DOCK3: variants seen among roughly 807,000 people sequenced by gnomAD.
DOCK3 encodes dedicator of cytokinesis protein 3.
Under a neutral mutation model 265.6 loss-of-function variants are expected in DOCK3, and 60 were observed. The observed-to-expected ratio is 0.23, with a 90% CI of 0.18 to 0.28. The LOEUF is 0.28. DOCK3 is among the 10% of genes least tolerant of loss of function. The pLI, the probability that DOCK3 is intolerant of heterozygous loss-of-function variation, is 1.00. For synonymous variants in DOCK3, 881 were observed against 938.0 expected, an observed-to-expected ratio of 0.94 and a Z score of 1.11; for missense variants, 1,981 against 2,594.3, an observed-to-expected ratio of 0.76 and a Z score of 5.14.
At chr3:50,716,967 A>G (rs1012251665) in intron 1 of DOCK3, among the ~76,000 whole-genome samples, 1 of 152,110 alleles carries the variant, frequency 6.6e-6, no homozygotes, top group Non-Finnish European at 1.5e-5. Context: ...GCATATTCTT[A>G]CATTTTGTTT....
chr3:50,795,158 T>C (rs941168463), intron 2 of DOCK3, among the ~76,000 whole-genome samples: 3 of 152,194 alleles, frequency 2.0e-5, no homozygotes, highest in Non-Finnish European at 4.4e-5. Context: ...TAGCTACCTT[T>C]AACATTTTTT....
At chr3:51,314,652 A>G (rs895490910) in intron 31 of DOCK3, among the ~76,000 whole-genome samples, 3 of 152,242 alleles carry the variant, frequency 2.0e-5, no homozygotes, top group African/African-American at 7.2e-5. Context: ...TCTGACACTC[A>G]TAGGTTACTC....
chr3:50,849,973 G>A (rs1436153896), intron 3 of DOCK3, among the ~76,000 whole-genome samples: 6 of 151,760 alleles, frequency 4.0e-5, no homozygotes, highest in Admixed American at 1.3e-4. Flanking sequence ...TCAGTCTACC[G>A]ATAAAGCTTT....
At chr3:50,970,889 T>A (rs1405021731) in intron 5 of DOCK3, among the ~76,000 whole-genome samples, 2 of 42,934 alleles carry the variant, frequency 4.7e-5, no homozygotes, top group Non-Finnish European at 4.1e-5. Flanking sequence ...CTCATCTAAT[T>A]TTTATATATA....
chr3:51,198,687 C>A (rs796533440), intron 12 of DOCK3, among the ~76,000 whole-genome samples: 2 of 151,380 alleles, frequency 1.3e-5, no homozygotes, highest in Non-Finnish European at 2.9e-5. Context: ...GCTCTTTATA[C>A]GAATTCAAAC....
intron 4 of DOCK3, among the ~76,000 whole-genome samples, chr3:50,917,255 A>T (rs1260820414): frequency 6.6e-6 from 1 of 152,118 alleles, no homozygotes. Flanking sequence ...GAGATTAACC[A>T]TTCTTTAAAG....
chr3:51,232,555 A>G (rs141729866), intron 19 of DOCK3, among the ~76,000 whole-genome samples: 3 of 152,180 alleles, frequency 2.0e-5, no homozygotes, highest in African/African-American at 7.2e-5. Flanking sequence ...TTGACTTTTC[A>G]ATTATGGCCA....
chr3:50,946,846 A>G (rs1239327456), intron 5 of DOCK3, among the ~76,000 whole-genome samples: 2 of 152,212 alleles, frequency 1.3e-5, no homozygotes, highest in African/African-American at 4.8e-5. Context: ...TCTTATTACC[A>G]GGATATGACA....
intron 12 of DOCK3, among the ~76,000 whole-genome samples, chr3:51,192,725 C>T (rs1175998523): frequency 1.3e-5 from 2 of 151,962 alleles, no homozygotes; most frequent in African/African-American, 4.8e-5. Context: ...TTGGCCAGAA[C>T]CAGGGGCAAA....
intron 5 of DOCK3, among the ~76,000 whole-genome samples, chr3:51,000,201 T>C (rs999291263): frequency 1.3e-5 from 2 of 152,238 alleles, no homozygotes; most frequent in African/African-American, 4.8e-5. Flanking sequence ...CCATAATCTT[T>C]TGCTCAGGCG....
intron 32 of DOCK3, among the ~76,000 whole-genome samples, chr3:51,321,368 A>G (rs1447535366): frequency 6.6e-6 from 1 of 152,216 alleles, no homozygotes; most frequent in Admixed American, 6.5e-5. Flanking sequence ...ACGAAGATGG[A>G]GAGAAAACAC....
chr3:51,043,526 G>T (rs75101020), intron 5 of DOCK3, among the ~76,000 whole-genome samples: 2 of 151,970 alleles, frequency 1.3e-5, no homozygotes, highest in Admixed American at 1.3e-4. Flanking sequence ...ATAGGCACAG[G>T]CAAAGATTTC....
chr3:50,747,114 A>G (rs1006518482), intron 1 of DOCK3, among the ~76,000 whole-genome samples: 1 of 152,076 alleles, frequency 6.6e-6, no homozygotes. Flanking sequence ...AACTGTCTTT[A>G]TATGCATGGA....
At chr3:50,781,293 G>A (rs2041907381) in intron 2 of DOCK3, among the ~76,000 whole-genome samples, 1 of 119,626 alleles carries the variant, frequency 8.4e-6, no homozygotes, top group Non-Finnish European at 1.7e-5. Flanking sequence ...TTTGGAGACA[G>A]GGTCTCATTC....
At chr3:50,890,310 CAGTT>C (rs973572316) in intron 4 of DOCK3, among the ~76,000 whole-genome samples, 13 of 152,092 alleles carry the variant, frequency 8.5e-5, no homozygotes, top group African/African-American at 2.6e-4. Context: ...TTTATAAAAT[CAGTT>C]AGGCATGCAG....
At chr3:51,142,579 T>C (rs1222796847) in intron 9 of DOCK3, among the ~76,000 whole-genome samples, 1 of 152,210 alleles carries the variant, frequency 6.6e-6, no homozygotes, top group Non-Finnish European at 1.5e-5. Flanking sequence ...GTTTGTTTTT[T>C]AAAATTGTGA....
At chr3:51,238,671 C>A (rs559598603) in intron 21 of DOCK3, among the ~76,000 whole-genome samples, 2 of 152,050 alleles carry the variant, frequency 1.3e-5, no homozygotes, top group African/African-American at 2.4e-5. Context: ...CATGCATTCT[C>A]GTCATGTAGC....
In DOCK3 at chr3:50,999,302, G is replaced by A. The variant is rs372676501; in HGVS notation, c.316-65146G>A. Among the ~76,000 whole-genome samples the A allele has an allele frequency of 1.0e-3, 157 of 152,338 alleles. 1 individual carries two copies. Among genetic ancestry groups the A allele is most frequent in the East Asian group, 7.7e-3 (40 of 5,180 alleles). On this transcript the variant is annotated intron_variant, in intron 5 of 52. Coordinates refer to ENST00000266037, the MANE Select transcript of DOCK3 (RefSeq NM_004947.5). ...GAGAGGGTTCGTTGAAAGACCATAT[G>A]CTCTTGAAACTATGGCAGAGCCATT... is the stretch of plus-strand genomic sequence containing the variant.
At chr3:51,170,372 T>C (rs1040534866) in intron 12 of DOCK3, among the ~76,000 whole-genome samples, 2 of 152,164 alleles carry the variant, frequency 1.3e-5, no homozygotes, top group Non-Finnish European at 2.9e-5. Flanking sequence ...CATGAAGCCT[T>C]TTGGTCCTGG....
Sources: allele counts gnomAD v4.1 joint callset (sites outside exome capture counted in the v4.1 genomes callset), GRCh38; gene constraint gnomAD v4.1.1; transcripts MANE v1.5; gene names NCBI Gene and HGNC (gene_info 2026-07-23, HGNC 2026-07-21).